FKBP5: variants seen among roughly 807,000 people sequenced by gnomAD.
The protein encoded by FKBP5 is FKBP prolyl isomerase 5, also known as peptidyl-prolyl cis-trans isomerase FKBP5.
Under a neutral mutation model 50.5 loss-of-function variants are expected in FKBP5, and 23 were observed. The ratio of observed to expected loss-of-function variants is 0.46; its 90% CI spans 0.33 to 0.65. The LOEUF is 0.65. Ranked by LOEUF, FKBP5 falls within the 30% of genes least tolerant of loss-of-function variation. The pLI is 0.02. For synonymous variants in FKBP5, 176 were observed against 190.6 expected, an observed-to-expected ratio of 0.92 and a Z score of 0.63; for missense variants, 411 against 553.1, an observed-to-expected ratio of 0.74 and a Z score of 2.58.
intron 1 of FKBP5, 40 bp downstream of exon 1, chr6:35,688,764 G>C (rs1230450568): frequency 6.6e-6 from 1 of 150,596 alleles, no homozygotes; most frequent in Non-Finnish European, 1.5e-5. Flanking sequence ...CCGGGGCGCC[G>C]CGGCCGGCCG....
chr6:35,697,810 A>G (rs1766110803), intron 2 of FKBP5, among the ~76,000 whole-genome samples: 1 of 152,202 alleles, frequency 6.6e-6, no homozygotes, highest in South Asian at 2.1e-4. Context: ...GACCATGGTA[A>G]TGGTTGCACA....
At chr6:35,695,475 A>G (rs573118814) in intron 2 of FKBP5, among the ~76,000 whole-genome samples, 1 of 152,236 alleles carries the variant, frequency 6.6e-6, no homozygotes, top group Non-Finnish European at 1.5e-5. Flanking sequence ...CATTCCAACC[A>G]CTTCTATTTA....
At chr6:35,579,182 T>C (rs1407394762) in intron 9 of FKBP5, among the ~76,000 whole-genome samples, 3 of 150,650 alleles carry the variant, frequency 2.0e-5, no homozygotes, top group Admixed American at 6.6e-5. Context: ...TCTCTCTCTC[T>C]CCGCTCTGTA....
intron 8 of FKBP5, chr6:35,581,023 T>C: frequency 1.0e-6 from 1 of 982,558 alleles, no homozygotes; most frequent in Non-Finnish European, 1.2e-6. Context: ...TTCTTATCAT[T>C]TGTAGTGCAA....
chr6:35,703,378 C>T (rs1766226767), intron 2 of FKBP5, among the ~76,000 whole-genome samples: 1 of 152,074 alleles, frequency 6.6e-6, no homozygotes, highest in African/African-American at 2.4e-5. Flanking sequence ...AGCTGCTGTC[C>T]AGCCTGGCCA....
At chr6:35,587,004 A>T in intron 8 of FKBP5, 30 bp downstream of exon 8, 4 of 1,613,768 alleles carry the variant, frequency 2.5e-6, no homozygotes, top group Non-Finnish European at 3.4e-6. Flanking sequence ...ATTCTTTGAG[A>T]TGGAAAGGAT....
chr6:35,666,261 C>T (rs910135243), intron 1 of FKBP5, among the ~76,000 whole-genome samples: 6 of 151,398 alleles, frequency 4.0e-5, no homozygotes, highest in Non-Finnish European at 2.9e-5. Flanking sequence ...TTTTTAAGGG[C>T]GAATTTCCCA....
chr6:35,717,711 C>G (rs1766538365), intron 2 of FKBP5, among the ~76,000 whole-genome samples: 1 of 152,076 alleles, frequency 6.6e-6, no homozygotes, highest in African/African-American at 2.4e-5. Flanking sequence ...GGATTTCTGC[C>G]CGGGTGTTTG....
chr6:35,698,762 G>A (rs1766127916), intron 2 of FKBP5, among the ~76,000 whole-genome samples: 1 of 152,194 alleles, frequency 6.6e-6, no homozygotes, highest in Non-Finnish European at 1.5e-5. Flanking sequence ...GAAGGCAAAA[G>A]GGGATCGAGG....
intron 8 of FKBP5, chr6:35,584,575 G>C (rs1762543577): frequency 7.1e-6 from 7 of 985,330 alleles, no homozygotes; most frequent in African/African-American, 1.7e-5. Context: ...ATATGTACAG[G>C]AAACTATCTA....
intron 5 of FKBP5, among the ~76,000 whole-genome samples, chr6:35,606,929 C>T (rs1268920409): frequency 6.6e-6 from 1 of 152,104 alleles, no homozygotes; most frequent in Non-Finnish European, 1.5e-5. Context: ...ATGTTTACTG[C>T]AGCATTGTTT....
intron 1 of FKBP5, among the ~76,000 whole-genome samples, chr6:35,684,836 G>A (rs1765778414): frequency 6.6e-6 from 1 of 152,050 alleles, no homozygotes; most frequent in Non-Finnish European, 1.5e-5. Context: ...ACACCAGCCT[G>A]GGCAACATAG....
chr6:35,609,801 T>C (rs557240308), intron 5 of FKBP5, among the ~76,000 whole-genome samples: 1 of 152,354 alleles, frequency 6.6e-6, no homozygotes, highest in East Asian at 1.9e-4. Context: ...AATCATGCTC[T>C]AACTTCCAGA....
At chr6:35,639,216 T>A (rs1170083849) in intron 2 of FKBP5, among the ~76,000 whole-genome samples, 1 of 152,224 alleles carries the variant, frequency 6.6e-6, no homozygotes, top group African/African-American at 2.4e-5. Context: ...CTTCACCTAA[T>A]CCTAATAACT....
Position 35,625,569 on chromosome 6 carries a change from T to C in FKBP5, c.251-5295A>G, listed in dbSNP as rs1056290939. ...GGCTAACACGGTGAAATCCCGTCTC[T>C]ACTAAAAATACAAAAAATTAGCCGG... On this transcript the variant is annotated intron_variant, in intron 3 of 10. Coordinates refer to ENST00000357266, the MANE Select transcript of FKBP5 (RefSeq NM_004117.4). Among the ~76,000 whole-genome samples, 7 of 150,186 alleles carry C rather than the reference T, an allele frequency of 4.7e-5. No individual in the cohort carries two copies. In the East Asian group the frequency reaches 1.3e-3, roughly 28 times the overall value.
intron 2 of FKBP5, among the ~76,000 whole-genome samples, chr6:35,717,425 G>A (rs1258498808): frequency 1.3e-5 from 2 of 152,242 alleles, no homozygotes; most frequent in Admixed American, 6.5e-5. Context: ...ATGTGCACGT[G>A]TGTTTGTGGG....
chr6:35,641,525 C>T (rs1764489859), intron 2 of FKBP5, among the ~76,000 whole-genome samples: 1 of 152,098 alleles, frequency 6.6e-6, no homozygotes, highest in African/African-American at 2.4e-5. Flanking sequence ...CTTTTCGGCC[C>T]CATTATAATC....
At chr6:35,591,874 T>C (rs1451072931) in intron 6 of FKBP5, among the ~76,000 whole-genome samples, 1 of 152,238 alleles carries the variant, frequency 6.6e-6, no homozygotes, top group Non-Finnish European at 1.5e-5. Flanking sequence ...AGAGAAATAT[T>C]CTTATGGCTT....
chr6:35,662,830 C>T (rs1765109496), intron 1 of FKBP5, among the ~76,000 whole-genome samples: 1 of 152,168 alleles, frequency 6.6e-6, no homozygotes, highest in Admixed American at 6.5e-5. Context: ...TGAATACCTA[C>T]TGAATATGAA....
Sources: allele counts gnomAD v4.1 joint callset (sites outside exome capture counted in the v4.1 genomes callset), GRCh38; gene constraint gnomAD v4.1.1; transcripts MANE v1.5; gene names NCBI Gene and HGNC (gene_info 2026-07-23, HGNC 2026-07-21).